The following PPARD variants were observed in gnomAD, a reference collection of about 807,000 sequenced individuals.
PPARD encodes peroxisome proliferator-activated receptor delta.
PPARD carries 6 observed loss-of-function variants against 39.5 expected under a neutral mutation model. The ratio of observed to expected loss-of-function variants is 0.15; its 90% CI spans 0.08 to 0.30. The LOEUF (loss-of-function observed/expected upper bound fraction) is 0.30, where lower values mean the gene tolerates loss of function less well. PPARD is among the 10% of genes least tolerant of loss of function. The probability of loss-of-function intolerance (pLI) is 1.00; values close to 1 mark genes in which losing one functional copy is unlikely to be tolerated. For synonymous variants in PPARD, 210 were observed against 231.3 expected (o/e 0.91, Z 0.83); for missense variants, 397 against 596.8 (o/e 0.67, Z 3.49).
At chr6:35,404,864 C>G (rs1764927501) in intron 2 of PPARD, among the ~76,000 whole-genome samples, 1 of 152,184 alleles carries the variant, frequency 6.6e-6, no homozygotes, top group Non-Finnish European at 1.5e-5. Flanking sequence ...CTCCCTGCAC[C>G]TAAGTTCTCT....
intron 2 of PPARD, among the ~76,000 whole-genome samples, chr6:35,393,324 C>G (rs1329904725): frequency 1.3e-5 from 2 of 152,220 alleles, no homozygotes; most frequent in African/African-American, 2.4e-5. Flanking sequence ...GTAATGCTTG[C>G]TCAGTGAACA....
intron 3 of PPARD, among the ~76,000 whole-genome samples, chr6:35,417,477 G>A (rs915623055): frequency 1.3e-5 from 2 of 151,478 alleles, no homozygotes; most frequent in Admixed American, 1.3e-4. Flanking sequence ...TTTTTATAGA[G>A]ACAGGGTCTC....
chr6:35,367,081 G>T (rs868592128), intron 2 of PPARD, among the ~76,000 whole-genome samples: 1 of 152,116 alleles, frequency 6.6e-6, no homozygotes, highest in Admixed American at 6.5e-5. Context: ...GGTTTTGTCC[G>T]TTCCCTGGAT....
rs151186869 is a variant in PPARD, at chr6:35,352,464, G to A, written c.-102+5314G>A. Among the ~76,000 whole-genome samples, 166 of 152,276 alleles carry A rather than the reference G, an allele frequency of 1.1e-3. 3 individuals are homozygous for A. The East Asian group carries it at 0.03, about 27-fold the overall frequency. ...CTCCCAGAGTGCTGGGATTACAGGCGTGAGCCACCGCGCCCGGCCACAAAG... is the reference window on the plus strand; with the variant it reads ...CTCCCAGAGTGCTGGGATTACAGGCATGAGCCACCGCGCCCGGCCACAAAG... On this transcript the variant is annotated intron_variant, in intron 2 of 7. Transcript: ENST00000360694.
intron 3 of PPARD, among the ~76,000 whole-genome samples, chr6:35,419,264 C>T (rs774531562): frequency 5.9e-5 from 9 of 152,050 alleles, no homozygotes; most frequent in Non-Finnish European, 1.3e-4. Context: ...CAGCTTTGGG[C>T]TAGGAGTCAG....
chr6:35,403,923 A>G (rs1457283615), intron 2 of PPARD, among the ~76,000 whole-genome samples: 1 of 152,218 alleles, frequency 6.6e-6, no homozygotes. Flanking sequence ...GAGCAGGAGG[A>G]TAGGCCTGGA....
chr6:35,396,496 G>A (rs191132437), intron 2 of PPARD, among the ~76,000 whole-genome samples: 3 of 141,972 alleles, frequency 2.1e-5, no homozygotes, highest in South Asian at 2.4e-4. Flanking sequence ...GAGCCACCGC[G>A]CCTAGCCCTA....
At chr6:35,348,640 G>A in intron 2 of PPARD, 1 of 985,388 alleles carries the variant, frequency 1.0e-6, no homozygotes, top group Non-Finnish European at 1.2e-6. Flanking sequence ...TTAACACCCT[G>A]CAGGTTTTCC....
At chr6:35,362,118 G>C (rs1007224234) in intron 2 of PPARD, among the ~76,000 whole-genome samples, 10 of 151,842 alleles carry the variant, frequency 6.6e-5, no homozygotes, top group South Asian at 6.2e-4. Context: ...TTCTTACCTA[G>C]GTTCTTTTCA....
rs1762212547 is a variant in PPARD, at chr6:35,366,454, C to CTAGAGGGGT, written c.-102+19305_-102+19313dup. 1.3e-5 allele frequency among the ~76,000 whole-genome samples: 2 copies of CTAGAGGGGT among 151,438 alleles called. No homozygotes were observed. Among genetic ancestry groups the CTAGAGGGGT allele is most frequent in the South Asian group, 4.1e-4 (2 of 4,834 alleles). ...GACAATTAATCTGATAGCATTTATGCTAGAGGGGTCAAAATGGAGAGAGAT... is the reference window on the plus strand; with the variant it reads ...GACAATTAATCTGATAGCATTTATGCTAGAGGGGTTAGAGGGGTCAAAATGGAGAGAGAT... On this transcript the variant is annotated intron_variant, in intron 2 of 7. Transcript: ENST00000360694. This position sits in a 1 kb window ranked among gnomAD's most constrained non-coding sequence, Gnocchi z 4.6.
In PPARD at chr6:35,425,908, G is replaced by C. The variant is rs756972139; in HGVS notation, c.1155G>C (p.Leu385=). Residue 385 remains leucine, a synonymous_variant, in exon 8 of 8, where the codon CTG becomes CTC. Coordinates refer to ENST00000360694, the MANE Select transcript of PPARD (RefSeq NM_006238.5). The surrounding 1 kb of genome is among the most constrained non-coding windows in gnomAD (Gnocchi z 4.5). Reference sequence around the variant, plus strand: ...TCCTGCGTGCCCTCGAATTCCACCTGCAGGCCAACCACCCTGATGCCCAGT... The same window carrying C: ...TCCTGCGTGCCCTCGAATTCCACCTCCAGGCCAACCACCCTGATGCCCAGT... The part of the protein sequence containing the change: ...DTILRALEFH[L]QANHPDAQYL... 3 of 1,614,152 alleles carry C rather than the reference G, an allele frequency of 1.9e-6. No individual in the cohort carries two copies. The highest frequency in any genetic ancestry group is 2.5e-6 in the Non-Finnish European group (3 of 1,180,034).
At chr6:35,391,551 CA>C (rs780667415) in intron 2 of PPARD, among the ~76,000 whole-genome samples, 34 of 152,346 alleles carry the variant, frequency 2.2e-4, no homozygotes, top group Middle Eastern at 6.8e-3. Context: ...GTTAAGTTGG[CA>C]TCTGTGAAGG....
chr6:35,420,752 C>T (rs940841332), intron 4 of PPARD, among the ~76,000 whole-genome samples: 6 of 150,332 alleles, frequency 4.0e-5, no homozygotes, highest in Non-Finnish European at 8.9e-5. Flanking sequence ...TACACAGAAC[C>T]AGATACATTT....
At chr6:35,405,925 T>A (rs1765019138) in intron 2 of PPARD, among the ~76,000 whole-genome samples, 1 of 150,538 alleles carries the variant, frequency 6.6e-6, no homozygotes, top group South Asian at 2.1e-4. Flanking sequence ...CCACCGCACC[T>A]GGACTTTTTT....
intron 2 of PPARD, among the ~76,000 whole-genome samples, chr6:35,361,430 C>T (rs1761920109): frequency 6.6e-6 from 1 of 152,120 alleles, no homozygotes; most frequent in Admixed American, 6.6e-5. Flanking sequence ...GGAGGGTCAC[C>T]TGAGGTCAGG....
At chr6:35,413,046 G>A (rs545966193) in intron 3 of PPARD, among the ~76,000 whole-genome samples, 73 of 152,210 alleles carry the variant, frequency 4.8e-4, no homozygotes, top group Non-Finnish European at 1.0e-3. Flanking sequence ...GCCTGCCGTG[G>A]CCCACCTCAT....
chr6:35,386,031 CAAG>C (rs1172298682), intron 2 of PPARD, among the ~76,000 whole-genome samples: 1 of 152,056 alleles, frequency 6.6e-6, no homozygotes, highest in Non-Finnish European at 1.5e-5. Context: ...TGACCCTGGG[CAAG>C]TTACCCTCCT....
chr6:35,355,704 C>T (rs1761567749), intron 2 of PPARD, among the ~76,000 whole-genome samples: 2 of 144,638 alleles, frequency 1.4e-5, no homozygotes, highest in African/African-American at 5.3e-5. Context: ...CTCCGCCTCC[C>T]AGGTTCGCGC....
chr6:35,342,853 T>C (rs2150397011), intron 1 of PPARD, among the ~76,000 whole-genome samples, 172 bp downstream of exon 1: 2 of 152,272 alleles, frequency 1.3e-5, no homozygotes, highest in South Asian at 4.1e-4. Context: ...TCCGGCCCGC[T>C]CCGGTCAGCC....
Sources: allele counts gnomAD v4.1 joint callset (sites outside exome capture counted in the v4.1 genomes callset), GRCh38; gene constraint gnomAD v4.1.1; non-coding constraint Gnocchi (gnomAD v3.1); transcripts MANE v1.5; gene names NCBI Gene and HGNC (gene_info 2026-07-23, HGNC 2026-07-21).